The following ARB2A variants were observed in gnomAD, a reference collection of about 807,000 sequenced individuals.
The protein encoded by ARB2A is ARB2 cotranscriptional regulator A, also known as cotranscriptional regulator ARB2A.
chr5:93,794,334 T>C, the ARB2A span, among the ~76,000 whole-genome samples: 1 of 152,056 alleles, frequency 6.6e-6, no homozygotes, highest in Non-Finnish European at 1.5e-5. Context: ...TCCTATATCA[T>C]GTGTTTGATT....
the ARB2A span, among the ~76,000 whole-genome samples, chr5:94,047,318 C>G: frequency 1.3e-5 from 2 of 151,848 alleles, no homozygotes; most frequent in Non-Finnish European, 2.9e-5. Flanking sequence ...ATGGTGAAAC[C>G]CCATCTCTAC....
the ARB2A span, among the ~76,000 whole-genome samples, chr5:94,097,903 G>A: frequency 7.2e-5 from 9 of 125,828 alleles, no homozygotes; most frequent in Non-Finnish European, 1.3e-4. Flanking sequence ...TCCCTCTGCC[G>A]CTGGCTTAAT....
At chr5:94,071,908 A>T in the ARB2A span, among the ~76,000 whole-genome samples, 1 of 152,156 alleles carries the variant, frequency 6.6e-6, no homozygotes, top group Non-Finnish European at 1.5e-5. Flanking sequence ...ATAAAAACTT[A>T]TACATGAATA....
At chr5:94,028,988 C>T in the ARB2A span, among the ~76,000 whole-genome samples, 28 of 151,162 alleles carry the variant, frequency 1.9e-4, no homozygotes, top group East Asian at 3.9e-3. Flanking sequence ...ATTTGGGTGG[C>T]GGGGGGAGGG....
At chr5:93,657,321 C>T in the ARB2A span, among the ~76,000 whole-genome samples, 1 of 152,250 alleles carries the variant, frequency 6.6e-6, no homozygotes, top group South Asian at 2.1e-4. Flanking sequence ...GGCTACTGGC[C>T]TAATGCTAGT....
chr5:93,903,323 T>A, the ARB2A span, among the ~76,000 whole-genome samples: 1 of 152,038 alleles, frequency 6.6e-6, no homozygotes, highest in African/African-American at 2.4e-5. Flanking sequence ...CTACTAAAAC[T>A]GCTAATATTA....
the ARB2A span, among the ~76,000 whole-genome samples, chr5:94,068,964 G>A: frequency 2.0e-5 from 3 of 151,798 alleles, no homozygotes; most frequent in South Asian, 2.1e-4. Flanking sequence ...GAACCCAGGA[G>A]GCAGAGGTTG....
At chr5:93,942,337 C>G in the ARB2A span, among the ~76,000 whole-genome samples, 3 of 152,084 alleles carry the variant, frequency 2.0e-5, no homozygotes, top group African/African-American at 7.2e-5. Context: ...TATGAAGTCT[C>G]TAATGTAAAA....
the ARB2A span, among the ~76,000 whole-genome samples, chr5:94,087,631 G>A: frequency 6.6e-6 from 1 of 152,078 alleles, no homozygotes; most frequent in Admixed American, 6.6e-5. Flanking sequence ...TAATGTCCTA[G>A]GCCTTCACAT....
the ARB2A span, among the ~76,000 whole-genome samples, chr5:94,069,699 C>A: frequency 6.6e-6 from 1 of 152,122 alleles, no homozygotes; most frequent in Non-Finnish European, 1.5e-5. Context: ...CTCAATTTCA[C>A]TAATCATTAG....
At chr5:93,867,521 G>A in the ARB2A span, among the ~76,000 whole-genome samples, 23 of 152,154 alleles carry the variant, frequency 1.5e-4, no homozygotes, top group Non-Finnish European at 2.8e-4. Flanking sequence ...AGGTTCAAGC[G>A]ATTCTCCTGC....
At chr5:93,857,045 C>T in the ARB2A span, among the ~76,000 whole-genome samples, 1 of 152,132 alleles carries the variant, frequency 6.6e-6, no homozygotes, top group Non-Finnish European at 1.5e-5. Context: ...GCTAGAGGTC[C>T]ACTCCAGACC....
At chr5:93,969,878 A>C in the ARB2A span, among the ~76,000 whole-genome samples, 3 of 152,130 alleles carry the variant, frequency 2.0e-5, no homozygotes, top group Non-Finnish European at 2.9e-5. Context: ...GTTATAATTT[A>C]AGGGGGTGGG....
the ARB2A span, among the ~76,000 whole-genome samples, chr5:93,912,874 T>C: frequency 6.6e-6 from 1 of 151,828 alleles, no homozygotes. Flanking sequence ...AGATCTTCTA[T>C]GCATTTATTT....
the ARB2A span, among the ~76,000 whole-genome samples, chr5:94,101,985 A>G: frequency 6.6e-6 from 1 of 151,906 alleles, no homozygotes; most frequent in Non-Finnish European, 1.5e-5. Flanking sequence ...AAAAAAGAAT[A>G]CTAAAGCCCT....
chr5:94,003,891 T>A, the ARB2A span, among the ~76,000 whole-genome samples: 1,768 of 152,174 alleles, frequency 0.012, 38 homozygotes, highest in African/African-American at 0.04. Context: ...AATAAAGCAA[T>A]TATGAAAAAG....
the ARB2A span, among the ~76,000 whole-genome samples, chr5:93,923,299 ACAG>A: frequency 6.6e-6 from 1 of 152,228 alleles, no homozygotes; most frequent in East Asian, 1.9e-4. Flanking sequence ...ATTCTGGAAA[ACAG>A]CAGGCTACTA....
At chr5:93,750,009 C>G in the ARB2A span, among the ~76,000 whole-genome samples, 2 of 152,206 alleles carry the variant, frequency 1.3e-5, 1 homozygote, top group African/African-American at 4.8e-5. Context: ...CACAAGACTT[C>G]TTTCTAGGAG....
At chr5:93,663,528 A>C in the ARB2A span, among the ~76,000 whole-genome samples, 2 of 152,190 alleles carry the variant, frequency 1.3e-5, no homozygotes, top group African/African-American at 4.8e-5. Flanking sequence ...GGGTAGGCTG[A>C]ATATACACCC....
Sources: gnomAD v4.1 joint callset for allele counts (sites outside exome capture counted in the v4.1 genomes callset) on GRCh38, gnomAD v4.1.1 for gene constraint, MANE v1.5 for transcripts, NCBI Gene and HGNC (gene_info 2026-07-23, HGNC 2026-07-21) for gene names.